ASRGL1: variants seen among roughly 807,000 people sequenced by gnomAD.
The protein encoded by ASRGL1 is asparaginase and isoaspartyl peptidase 1, also known as isoaspartyl peptidase/L-asparaginase.
A neutral mutation model predicts 22.4 loss-of-function variants in ASRGL1; 16 were observed. The ratio of observed to expected loss-of-function variants is 0.71; its 90% confidence interval spans 0.48 to 1.08. ASRGL1 has a LOEUF of 1.08. Among genes scored for constraint, ASRGL1 ranks in the 50% least tolerant of loss-of-function variants. ASRGL1 has a pLI of 0.00. For synonymous variants in ASRGL1, 165 were observed against 159.3 expected (o/e 1.04, Z -0.27); for missense variants, 412 against 410.1 (o/e 1.00, Z -0.04).
At chr11:62,349,082 C>T (rs1946107165) in intron 2 of ASRGL1, among the ~76,000 whole-genome samples, 2 of 152,098 alleles carry the variant, frequency 1.3e-5, no homozygotes, top group South Asian at 4.2e-4. Flanking sequence ...GATTCTCCTG[C>T]CTCAGCCTCC....
intron 2 of ASRGL1, 64 bp from the exon 3 acceptor site, chr11:62,356,261 C>A (rs1011404448): frequency 6.3e-6 from 10 of 1,579,920 alleles, no homozygotes; most frequent in African/African-American, 4.1e-5. Flanking sequence ...CTGACCCCCC[C>A]ACCTCCCTCC....
intron 6 of ASRGL1, 85 bp downstream of exon 6, chr11:62,391,717 A>AG: frequency 7.2e-7 from 1 of 1,398,284 alleles, no homozygotes; most frequent in African/African-American, 1.4e-5. Flanking sequence ...GGAGAAGTGT[A>AG]GGAAACCCTT....
intron 4 of ASRGL1, among the ~76,000 whole-genome samples, chr11:62,367,346 AAAAG>A (rs1464417492): frequency 6.7e-6 from 1 of 150,208 alleles, no homozygotes; most frequent in Non-Finnish European, 1.5e-5. Flanking sequence ...TCAAAAAAAA[AAAAG>A]AGAGAGATTT....
intron 4 of ASRGL1, among the ~76,000 whole-genome samples, chr11:62,380,976 C>T (rs573065651): frequency 1.3e-5 from 2 of 152,246 alleles, no homozygotes; most frequent in South Asian, 2.1e-4. Flanking sequence ...GAGGCTATAG[C>T]GCCCTGCCCT....
At chr11:62,377,345 G>C (rs1565170520) in intron 4 of ASRGL1, among the ~76,000 whole-genome samples, 2 of 152,108 alleles carry the variant, frequency 1.3e-5, no homozygotes, top group African/African-American at 4.8e-5. Flanking sequence ...TATTTAATTA[G>C]AGCTGTCTCA....
chr11:62,366,436 C>T (rs1228964064), intron 4 of ASRGL1, among the ~76,000 whole-genome samples: 1 of 142,934 alleles, frequency 7.0e-6, no homozygotes, highest in Non-Finnish European at 1.6e-5. Flanking sequence ...TGGCCCCTTG[C>T]AAATGTTAGA....
chr11:62,396,647 G>A (rs561046041), downstream of ASRGL1, among the ~76,000 whole-genome samples: 8 of 152,276 alleles, frequency 5.3e-5, no homozygotes, highest in South Asian at 1.7e-3. Flanking sequence ...CAGCACACAT[G>A]GACAGCTCTA....
At chr11:62,376,240 T>C (rs985412844) in intron 4 of ASRGL1, among the ~76,000 whole-genome samples, 1 of 151,780 alleles carries the variant, frequency 6.6e-6, no homozygotes, top group African/African-American at 2.4e-5. Context: ...GTGGCTCCGC[T>C]TTCTTGGTGG....
intron 5 of ASRGL1, chr11:62,389,576 G>A (rs1449324485): frequency 7.7e-6 from 3 of 391,954 alleles, no homozygotes; most frequent in Non-Finnish European, 1.5e-5. Flanking sequence ...CACAGTTTCA[G>A]GATCTGCAGA....
At chr11:62,355,811 G>T (rs868801833) in intron 2 of ASRGL1, among the ~76,000 whole-genome samples, 83 of 152,062 alleles carry the variant, frequency 5.5e-4, no homozygotes, top group African/African-American at 1.9e-3. Flanking sequence ...AGATTAGGGA[G>T]TGGTGATGAC....
At chr11:62,358,135 G>A (rs1946346797) in intron 4 of ASRGL1, among the ~76,000 whole-genome samples, 1 of 152,164 alleles carries the variant, frequency 6.6e-6, no homozygotes, top group Admixed American at 6.5e-5. Context: ...TTGGGAGGCC[G>A]AGGCGGACGG....
chr11:62,343,729 A>AT (rs1565151993), intron 2 of ASRGL1, among the ~76,000 whole-genome samples: 1 of 119,110 alleles, frequency 8.4e-6, no homozygotes, highest in Non-Finnish European at 1.9e-5. Flanking sequence ...CTCCAGCTCC[A>AT]CAAAAAAAAA....
At chr11:62,347,218 C>T (rs775287658) in intron 2 of ASRGL1, among the ~76,000 whole-genome samples, 5 of 152,124 alleles carry the variant, frequency 3.3e-5, no homozygotes, top group African/African-American at 4.8e-5. Flanking sequence ...GGACTATAGT[C>T]ATCAGTCTAT....
chr11:62,364,174 A>AAG (rs1946553296), intron 4 of ASRGL1, among the ~76,000 whole-genome samples: 1 of 151,454 alleles, frequency 6.6e-6, no homozygotes, highest in African/African-American at 2.4e-5. Context: ...AAAAAAAAAA[A>AAG]AAAATCAGTA....
chr11:62,340,293 G>C (rs1945832560), intron 2 of ASRGL1, among the ~76,000 whole-genome samples: 1 of 152,090 alleles, frequency 6.6e-6, no homozygotes, highest in South Asian at 2.1e-4. Flanking sequence ...AAGTTCATCT[G>C]AATTTAAAAT....
intron 2 of ASRGL1, among the ~76,000 whole-genome samples, chr11:62,354,750 A>T (rs764235927): frequency 6.6e-6 from 1 of 152,152 alleles, no homozygotes; most frequent in African/African-American, 2.4e-5. Context: ...ATTTGGGGCC[A>T]TGGTTGACTG....
chr11:62,359,369 C>T lies in ASRGL1; in HGVS notation c.491+2225C>T, dbSNP rs570655635. On this transcript the variant is annotated intron_variant, in intron 4 of 6. Coordinates refer to ENST00000415229, the MANE Select transcript of ASRGL1 (RefSeq NM_001083926.2). ...ACTGAGGCAGGAGAATCGCTTGAAC[C>T]CAGGAGGCAGAGGTTGCAGTGAGCC... Among the ~76,000 whole-genome samples the T allele has an allele frequency of 7.2e-5, 11 of 152,036 alleles. No individual in the cohort carries two copies. In the South Asian group the frequency reaches 2.3e-3, roughly 32 times the overall value.
chr11:62,359,723 C>T (rs1946387621), intron 4 of ASRGL1, among the ~76,000 whole-genome samples: 1 of 151,852 alleles, frequency 6.6e-6, no homozygotes, highest in Non-Finnish European at 1.5e-5. Flanking sequence ...CAGAGAAAAA[C>T]AAAAAGCTCC....
At chr11:62,345,983 G>T (rs1256341198) in intron 2 of ASRGL1, among the ~76,000 whole-genome samples, 1 of 152,166 alleles carries the variant, frequency 6.6e-6, no homozygotes, top group Non-Finnish European at 1.5e-5. Flanking sequence ...GTACCTGGGG[G>T]TTGGGGACTC....
Sources: allele counts gnomAD v4.1 joint callset (sites outside exome capture counted in the v4.1 genomes callset), GRCh38; gene constraint gnomAD v4.1.1; transcripts MANE v1.5; gene names NCBI Gene and HGNC (gene_info 2026-07-23, HGNC 2026-07-21).